The following KANSL1 variants were observed in gnomAD, a reference collection of about 807,000 sequenced individuals.
KANSL1 encodes the protein MLL1/MLL complex subunit KANSL1.
Under a neutral mutation model 103.6 loss-of-function variants are expected in KANSL1, and 22 were observed. That is an observed-to-expected ratio of 0.21 (90% CI 0.15 to 0.30). KANSL1 has a LOEUF of 0.30. KANSL1 is among the 10% of genes least tolerant of loss of function. KANSL1 has a pLI of 1.00. For missense variants in KANSL1, 1,337 were observed against 1,399.8 expected, an observed-to-expected ratio of 0.96 and a Z score of 0.72; for synonymous variants, 600 against 527.6, an observed-to-expected ratio of 1.14 and a Z score of -1.88.
At chr17:46,177,861 T>C (rs2046599401) in intron 1 of KANSL1, among the ~76,000 whole-genome samples, 1 of 151,916 alleles carries the variant, frequency 6.6e-6, no homozygotes, top group African/African-American at 2.4e-5. Flanking sequence ...CACTGCAAGC[T>C]CCACCTCCCG....
chr17:46,149,894 C>T (rs1014475596), intron 2 of KANSL1, among the ~76,000 whole-genome samples: 1 of 151,458 alleles, frequency 6.6e-6, no homozygotes, highest in Non-Finnish European at 1.5e-5. Context: ...TGGTGGCGGG[C>T]GCCTGTAATC....
intron 7 of KANSL1, chr17:46,050,242 T>TA (rs1568387459): frequency 2.4e-6 from 1 of 418,176 alleles, no homozygotes; most frequent in Non-Finnish European, 4.3e-6. Flanking sequence ...AAAGATATAC[T>TA]AAGCGTATTT....
chr17:46,162,873 T>A (rs2045816573), intron 2 of KANSL1, among the ~76,000 whole-genome samples: 1 of 152,250 alleles, frequency 6.6e-6, no homozygotes, highest in Non-Finnish European at 1.5e-5. Flanking sequence ...TATACTTTGC[T>A]CTGTTCTTTG....
intron 2 of KANSL1, among the ~76,000 whole-genome samples, chr17:46,144,746 G>A (rs984773671): frequency 1.3e-5 from 2 of 149,910 alleles, no homozygotes; most frequent in Admixed American, 1.3e-4. Flanking sequence ...TGATGATTTT[G>A]CTTTTTCAGT....
Position 46,182,502 on chromosome 17 carries a change from T to C in KANSL1, c.-89-10270A>G, listed in dbSNP as rs146591170. On this transcript the variant is annotated intron_variant, in intron 1 of 14. Transcript: ENST00000432791. ...TTTACTATAAAACAAAGAGATAATG[T>C]GTGTCACCCACAAGACCATTATCAA... Among the ~76,000 whole-genome samples the C allele has an allele frequency of 4.9e-3, 746 of 152,366 alleles. 18 individuals carry two copies. Among genetic ancestry groups the C allele is most frequent in the Admixed American group, 0.045 (687 of 15,302 alleles).
intron 1 of KANSL1, among the ~76,000 whole-genome samples, chr17:46,205,371 TC>T (rs56100120): frequency 2.0e-5 from 3 of 147,520 alleles, no homozygotes; most frequent in Non-Finnish European, 3.0e-5. Context: ...TACAATAGCA[TC>T]CCCCCGCCAA....
chr17:46,137,696 T>C (rs1310220558), intron 2 of KANSL1, among the ~76,000 whole-genome samples: 4 of 150,038 alleles, frequency 2.7e-5, no homozygotes. Flanking sequence ...ACCCCGTCTC[T>C]ACTAAAAAAA....
chr17:46,112,481 T>G (rs2042859914), intron 2 of KANSL1, among the ~76,000 whole-genome samples: 1 of 150,712 alleles, frequency 6.6e-6, no homozygotes, highest in East Asian at 2.0e-4. Context: ...GGTCAGGAAT[T>G]CGAGACCGGC....
chr17:46,092,964 A>G (rs963135765), intron 3 of KANSL1: 1 of 152,228 alleles, frequency 6.6e-6, no homozygotes, highest in Non-Finnish European at 1.5e-5. Flanking sequence ...TAGCAGTTTT[A>G]TAACAAGGAA....
intron 2 of KANSL1, among the ~76,000 whole-genome samples, chr17:46,134,812 T>G (rs1158547490): frequency 6.6e-6 from 1 of 151,760 alleles, no homozygotes; most frequent in Non-Finnish European, 1.5e-5. Context: ...GCCACTGCAC[T>G]CCAGCCTGGG....
intron 2 of KANSL1, among the ~76,000 whole-genome samples, chr17:46,102,345 G>A (rs948849540): frequency 6.6e-6 from 1 of 152,166 alleles, no homozygotes; most frequent in Non-Finnish European, 1.5e-5. Context: ...TGCCTCTCGG[G>A]TTCAAGTGAT....
rs780476310 is a variant in KANSL1, at chr17:46,033,073, C to T, written c.2837+7G>A. 6 of 1,561,906 alleles carry T rather than the reference C, an allele frequency of 3.8e-6. No homozygotes were observed. In the South Asian group the frequency reaches 7.1e-5, roughly 18 times the overall value. Reference sequence around the variant, plus strand: ...CAGGCCCTGGGGACCCAAGCCTGCCCCATCACCTGCTGCCCCGCCGCTGGG... The same window carrying T: ...CAGGCCCTGGGGACCCAAGCCTGCCTCATCACCTGCTGCCCCGCCGCTGGG... On this transcript the variant is annotated splice_region_variant and intron_variant, in intron 13 of 14. Coordinates refer to ENST00000432791, the MANE Select transcript of KANSL1 (RefSeq NM_015443.4).
At chr17:46,147,848 A>C (rs2044814750) in intron 2 of KANSL1, among the ~76,000 whole-genome samples, 1 of 152,232 alleles carries the variant, frequency 6.6e-6, no homozygotes, top group South Asian at 2.1e-4. Flanking sequence ...ATAGAATCAC[A>C]GGCAAAACCC....
At chr17:46,159,166 C>CTA (rs1268810285) in intron 2 of KANSL1, among the ~76,000 whole-genome samples, 1 of 152,216 alleles carries the variant, frequency 6.6e-6, no homozygotes, top group Non-Finnish European at 1.5e-5. Flanking sequence ...GGGCTGCTCA[C>CTA]TATACCTCAG....
At position 46,171,154 on chromosome 17, in the gene KANSL1, G is replaced by A; in HGVS notation, c.990C>T (p.Ser330=). 5.6e-6 allele frequency: 9 copies of A among 1,614,156 alleles called. No homozygotes were observed. Among genetic ancestry groups the A allele is most frequent in the Non-Finnish European group, 7.6e-6 (9 of 1,180,048 alleles). The change falls in exon 2 of 15, where the codon AGC becomes AGT. Residue 330 remains serine (S), a synonymous_variant. Coordinates refer to ENST00000432791, the MANE Select transcript of KANSL1 (RefSeq NM_015443.4). ...QLGGFLEKTL[S]KLPNLESLRP... is the part of the protein sequence containing the mutation. ...TCAAGGATTCCAAGTTTGGCAGTTT[G>A]CTCAAAGTCTTCTCCAAAAATCCAC...
chr17:46,163,020 C>T (rs2045824356), intron 2 of KANSL1, among the ~76,000 whole-genome samples: 2 of 152,198 alleles, frequency 1.3e-5, no homozygotes, highest in East Asian at 1.9e-4. Flanking sequence ...GAAGACTCAC[C>T]ATCACATCCC....
chr17:46,213,421 C>G (rs978357392), intron 1 of KANSL1, among the ~76,000 whole-genome samples: 4 of 151,978 alleles, frequency 2.6e-5, no homozygotes, highest in African/African-American at 9.7e-5. Flanking sequence ...CTGCCACAGC[C>G]TCCCGAGTAG....
intron 1 of KANSL1, among the ~76,000 whole-genome samples, chr17:46,216,119 T>C (rs891689899): frequency 2.0e-5 from 3 of 152,128 alleles, no homozygotes; most frequent in African/African-American, 7.2e-5. Context: ...AGCAACTGTG[T>C]ATATGGGATT....
Position 46,061,401 on chromosome 17 carries a change from C to A in KANSL1, c.1848+5136G>T, listed in dbSNP as rs561705542. Among the ~76,000 whole-genome samples, 74 of 152,188 alleles carry A rather than the reference C, an allele frequency of 4.9e-4. No homozygotes were observed. In the Middle Eastern group the frequency reaches 0.01, roughly 21 times the overall value. ...GTTTAGGTTAAGTTATAAACACCTA[C>A]TTCACTTAGGCACTGGGCCAGGAAA... On this transcript the variant is annotated intron_variant, in intron 6 of 14. Coordinates refer to ENST00000432791, the MANE Select transcript of KANSL1 (RefSeq NM_015443.4).
Sources: allele counts gnomAD v4.1 joint callset (sites outside exome capture counted in the v4.1 genomes callset), GRCh38; gene constraint gnomAD v4.1.1; transcripts MANE v1.5; gene names NCBI Gene and HGNC (gene_info 2026-07-23, HGNC 2026-07-21).